SLC14A2: variants seen among roughly 807,000 people sequenced by gnomAD.
The protein encoded by SLC14A2 is urea transporter 2.
Under a neutral mutation model 104.6 loss-of-function variants are expected in SLC14A2, and 91 were observed. That is an observed-to-expected ratio of 0.87 (90% CI 0.73 to 1.04). The LOEUF is 1.04. SLC14A2 is among the 50% of genes least tolerant of loss of function. SLC14A2 has a pLI of 0.00. For synonymous variants in SLC14A2, 476 were observed against 466.4 expected, an observed-to-expected ratio of 1.02 and a Z score of -0.27; for missense variants, 1,189 against 1,156.0, an observed-to-expected ratio of 1.03 and a Z score of -0.41.
intron 1 of SLC14A2, among the ~76,000 whole-genome samples, chr18:45,449,761 C>A (rs2086828788): frequency 2.0e-5 from 3 of 152,174 alleles, no homozygotes; most frequent in Admixed American, 1.3e-4. Context: ...CCCCAAGAAT[C>A]AAACTTAGTT....
chr18:45,291,239 A>T (rs965816987), intron 1 of SLC14A2, among the ~76,000 whole-genome samples: 9 of 152,182 alleles, frequency 5.9e-5, no homozygotes, highest in Non-Finnish European at 1.2e-4. Context: ...TAAGGCTTTA[A>T]CAGGTTCAGA....
At chr18:45,188,289 G>C in the SLC14A2 span, among the ~76,000 whole-genome samples, 414 of 152,242 alleles carry the variant, frequency 2.7e-3, 4 homozygotes, top group African/African-American at 9.4e-3. Flanking sequence ...CTATTCTACT[G>C]ATGCTCTCAG....
intron 1 of SLC14A2, among the ~76,000 whole-genome samples, chr18:45,287,584 T>G (rs1252219086): frequency 2.0e-5 from 3 of 152,184 alleles, no homozygotes; most frequent in African/African-American, 7.2e-5. Flanking sequence ...CTATGAAAAT[T>G]CTGTGGAATT....
chr18:45,363,648 C>T (rs981755312), intron 1 of SLC14A2, among the ~76,000 whole-genome samples: 1 of 152,104 alleles, frequency 6.6e-6, no homozygotes, highest in Non-Finnish European at 1.5e-5. Flanking sequence ...TCAATGAGGC[C>T]GTGCTTAGAA....
intron 5 of SLC14A2, chr18:45,634,832 G>C (rs970846266): frequency 6.6e-6 from 3 of 457,154 alleles, no homozygotes; most frequent in African/African-American, 6.0e-5. Context: ...GATGGAGACG[G>C]ATTTTAACTG....
intron 1 of SLC14A2, among the ~76,000 whole-genome samples, chr18:45,214,991 C>A (rs1037835578): frequency 1.3e-5 from 2 of 148,770 alleles, no homozygotes; most frequent in Non-Finnish European, 3.0e-5. Context: ...GTGAGTGCTA[C>A]AGGCAGTAAG....
chr18:45,678,956 T>G lies in SLC14A2; in HGVS notation c.2513-19T>G. ...AATAGTTACTGGTCTATTTCTTTCTTTTTTTTTTTTTTTTCTAGCACTGTT... is the reference window on the plus strand; with the variant it reads ...AATAGTTACTGGTCTATTTCTTTCTGTTTTTTTTTTTTTTCTAGCACTGTT... On this transcript the variant is annotated intron_variant, in intron 18 of 19. Coordinates refer to ENST00000255226, the MANE Select transcript of SLC14A2 (RefSeq NM_007163.4). The G allele has an allele frequency of 7.9e-7, 1 of 1,261,740 alleles. No homozygotes were observed. Among genetic ancestry groups the G allele is most frequent in the Non-Finnish European group, 1.1e-6 (1 of 941,128 alleles). 78.2% of individuals were successfully genotyped at this position (1,261,740 alleles called of 1,614,324 possible).
rs35185442 is a variant in SLC14A2 at position 45,455,662 on chromosome 18, T to TA, written c.-124-27561dup. On this transcript the variant is annotated intron_variant, in intron 1 of 20. Transcript: ENST00000586448. Reference sequence around the variant, plus strand: ...CATAATAATAATAATAATAATAAAGTAAAAAAAAAATCTATTGAGCATTTG... The same window carrying TA: ...CATAATAATAATAATAATAATAAAGTAAAAAAAAAAATCTATTGAGCATTTG... Among the ~76,000 whole-genome samples, 63 of 118,414 alleles carry TA rather than the reference T, an allele frequency of 5.3e-4. 1 individual carries two copies. Among genetic ancestry groups the TA allele is most frequent in the African/African-American group, 1.0e-3 (39 of 37,896 alleles). The allele number at this position is 118,414 out of a possible 152,430, so 77.7% of individuals were successfully genotyped here.
At position 45,250,755 on chromosome 18, in the gene SLC14A2, C is replaced by CTTTTTTTTTTTTTTTTTTT. The variant is rs67864793; in HGVS notation, c.-125+37567_-125+37585dup. Among the ~76,000 whole-genome samples, 20 of 93,882 alleles carry CTTTTTTTTTTTTTTTTTTT rather than the reference C, an allele frequency of 2.1e-4. 1 individual carries two copies. The highest frequency in any genetic ancestry group is 7.4e-4 in the African/African-American group (17 of 22,930). The allele number at this position is 93,882 out of a possible 152,430, so 61.6% of individuals were successfully genotyped here. A position where few individuals can be genotyped will look rare whatever the true frequency, so the allele number is the denominator to read the frequency against. On this transcript the variant is annotated intron_variant, in intron 1 of 20. Coordinates refer to the SLC14A2 transcript ENST00000586448. ...GAATCCTCTGGCTAGTGGCTTCTTC[C>CTTTTTTTTTTTTTTTTTTT]TTTTTTTTTTTTTTTTTTTTTGGCT...
intron 2 of SLC14A2, among the ~76,000 whole-genome samples, chr18:45,564,195 A>G (rs1169475888): frequency 6.6e-6 from 1 of 152,254 alleles, no homozygotes; most frequent in African/African-American, 2.4e-5. Context: ...GATCGAGTGT[A>G]TTCTTGACAA....
At chr18:45,623,272 G>A (rs994259560) in intron 1 of SLC14A2, among the ~76,000 whole-genome samples, 24 of 152,324 alleles carry the variant, frequency 1.6e-4, no homozygotes, top group African/African-American at 5.3e-4. Context: ...CTGAAAAGGG[G>A]AGATGAAAAG....
At chr18:45,180,632 G>A in the SLC14A2 span, among the ~76,000 whole-genome samples, 1 of 152,062 alleles carries the variant, frequency 6.6e-6, no homozygotes, top group African/African-American at 2.4e-5. Flanking sequence ...AAAGGAAAAA[G>A]GGGTATCAAG....
At chr18:45,416,534 T>C (rs566645383) in intron 1 of SLC14A2, among the ~76,000 whole-genome samples, 2 of 152,226 alleles carry the variant, frequency 1.3e-5, no homozygotes, top group South Asian at 4.1e-4. Context: ...AGGCGCAGAG[T>C]GCAGCCATTC....
intron 1 of SLC14A2, among the ~76,000 whole-genome samples, chr18:45,234,702 G>C (rs970502778): frequency 6.6e-6 from 1 of 152,164 alleles, no homozygotes; most frequent in African/African-American, 2.4e-5. Context: ...TCTTCTGTGG[G>C]GAACCCGTTT....
intron 1 of SLC14A2, among the ~76,000 whole-genome samples, chr18:45,389,116 G>C (rs543261185): frequency 2.0e-5 from 3 of 152,200 alleles, no homozygotes; most frequent in African/African-American, 7.2e-5. Flanking sequence ...GCAAGCCCTG[G>C]TATGTAGAGA....
chr18:45,206,429 G>A, the SLC14A2 span, among the ~76,000 whole-genome samples: 7 of 145,082 alleles, frequency 4.8e-5, no homozygotes, highest in South Asian at 2.2e-4. Flanking sequence ...ACACACACAC[G>A]TACACACACA....
At chr18:45,443,863 G>T (rs932733036) in intron 1 of SLC14A2, among the ~76,000 whole-genome samples, 10 of 152,142 alleles carry the variant, frequency 6.6e-5, no homozygotes, top group African/African-American at 1.7e-4. Flanking sequence ...ATAATAGTCA[G>T]CTGGGTGCAG....
At chr18:45,495,270 A>G (rs2043073626) in intron 2 of SLC14A2, among the ~76,000 whole-genome samples, 1 of 152,264 alleles carries the variant, frequency 6.6e-6, no homozygotes, top group East Asian at 1.9e-4. Flanking sequence ...GGATGGAGGA[A>G]GAAAGTTTGT....
chr18:45,534,961 C>G (rs963915697), intron 2 of SLC14A2, among the ~76,000 whole-genome samples: 1 of 152,186 alleles, frequency 6.6e-6, no homozygotes, highest in Non-Finnish European at 1.5e-5. Context: ...TACTGGAATT[C>G]TCAGGAAATG....
Sources: allele counts gnomAD v4.1 joint callset (sites outside exome capture counted in the v4.1 genomes callset), GRCh38; gene constraint gnomAD v4.1.1; transcripts MANE v1.5; gene names NCBI Gene and HGNC (gene_info 2026-07-23, HGNC 2026-07-21).